Variants in GALNT13 observed in about 807,000 individuals in gnomAD.
GALNT13 encodes UDP-GalNAc:polypeptide N-acetylgalactosaminyltransferase 13.
In GALNT13, 28 loss-of-function variants were observed where a neutral mutation model predicts 64.2. That is an observed-to-expected ratio of 0.44 (90% CI 0.32 to 0.60). GALNT13 has a LOEUF of 0.60. Ranked by LOEUF, GALNT13 falls within the 20% of genes least tolerant of loss-of-function variation. GALNT13 has a pLI of 0.05. For missense variants in GALNT13, 577 were observed against 669.8 expected (o/e 0.86, Z 1.53); for synonymous variants, 214 against 224.6 (o/e 0.95, Z 0.42).
At chr2:153,649,135 T>A in the GALNT13 span, among the ~76,000 whole-genome samples, 4 of 152,320 alleles carry the variant, frequency 2.6e-5, no homozygotes, top group African/African-American at 9.6e-5. Flanking sequence ...ATTGCCTCAG[T>A]TTCAGAGCCT....
chr2:154,351,302 A>G (rs1311325316), intron 9 of GALNT13, among the ~76,000 whole-genome samples: 3 of 152,144 alleles, frequency 2.0e-5, no homozygotes, highest in East Asian at 3.9e-4. Context: ...ATTTGGAAAT[A>G]TGAATTAACT....
At chr2:153,634,902 T>G in the GALNT13 span, among the ~76,000 whole-genome samples, 1 of 152,138 alleles carries the variant, frequency 6.6e-6, no homozygotes. Context: ...AGATTTTTTT[T>G]TTTTAACTTG....
intron 10 of GALNT13, among the ~76,000 whole-genome samples, chr2:154,402,728 C>T (rs576077485): frequency 1.3e-5 from 2 of 152,320 alleles, no homozygotes; most frequent in Admixed American, 6.5e-5. Context: ...GGATTAATGA[C>T]ATGACCAAGC....
At chr2:153,978,857 G>A (rs954771901) in intron 3 of GALNT13, among the ~76,000 whole-genome samples, 2 of 151,986 alleles carry the variant, frequency 1.3e-5, no homozygotes, top group Non-Finnish European at 2.9e-5. Flanking sequence ...GATCCTTTGC[G>A]CCCAGGAGTT....
In GALNT13 at chr2:154,206,218, G is replaced by T. The variant is rs1687443118; in HGVS notation, c.312-35812G>T. Reference sequence around the variant, plus strand: ...GGGTTTCACCATATTAGCCAGGATGGTCTCGACCTCCTGACCTTGTGATCC... The same window carrying T: ...GGGTTTCACCATATTAGCCAGGATGTTCTCGACCTCCTGACCTTGTGATCC... On this transcript the variant is annotated intron_variant, in intron 4 of 12. Transcript: ENST00000392825. 2.0e-5 allele frequency among the ~76,000 whole-genome samples: 3 copies of T among 151,598 alleles called. No homozygotes were observed. The South Asian group carries it at 6.3e-4, about 32-fold the overall frequency.
the GALNT13 span, among the ~76,000 whole-genome samples, chr2:153,185,437 T>C: frequency 6.6e-6 from 1 of 152,084 alleles, no homozygotes; most frequent in Non-Finnish European, 1.5e-5. Context: ...TTTTTAAGGG[T>C]TTTCATGTCT....
chr2:154,012,935 A>G (rs1049750995), intron 3 of GALNT13, among the ~76,000 whole-genome samples: 2 of 151,644 alleles, frequency 1.3e-5, no homozygotes, highest in Non-Finnish European at 2.9e-5. Flanking sequence ...TAAAACGGCC[A>G]TTTCTTCATT....
the GALNT13 span, among the ~76,000 whole-genome samples, chr2:153,344,494 CTGT>C: frequency 1.3e-5 from 2 of 152,062 alleles, no homozygotes; most frequent in African/African-American, 2.4e-5. Context: ...GTTGTTGTTG[CTGT>C]TGTTGTTTTT....
the GALNT13 span, among the ~76,000 whole-genome samples, chr2:153,784,473 AG>A: frequency 4.9e-4 from 74 of 152,354 alleles, 1 homozygote; most frequent in Admixed American, 1.8e-3. Flanking sequence ...ATGATGCAAT[AG>A]AAAAGAAAAA....
intron 4 of GALNT13, among the ~76,000 whole-genome samples, chr2:154,192,996 AT>A (rs1686681513): frequency 6.6e-6 from 1 of 152,200 alleles, no homozygotes; most frequent in Non-Finnish European, 1.5e-5. Flanking sequence ...ATTGAAAAAA[AT>A]AATTAGAATA....
the GALNT13 span, among the ~76,000 whole-genome samples, chr2:153,634,610 G>A: frequency 6.8e-6 from 1 of 146,460 alleles, no homozygotes; most frequent in Admixed American, 7.0e-5. Flanking sequence ...GAGTGCAGTG[G>A]CCCGATCTCA....
At chr2:153,373,469 G>T in the GALNT13 span, among the ~76,000 whole-genome samples, 1 of 152,090 alleles carries the variant, frequency 6.6e-6, no homozygotes, top group Non-Finnish European at 1.5e-5. Context: ...GGCCTCAGTT[G>T]TTTGTGTTGC....
the GALNT13 span, among the ~76,000 whole-genome samples, chr2:153,500,817 T>C: frequency 0.44 from 67,101 of 152,022 alleles, 16,106 homozygotes; most frequent in African/African-American, 0.6. Flanking sequence ...AGAAATTTGG[T>C]TATTTCTGTG....
chr2:153,583,253 A>G, the GALNT13 span, among the ~76,000 whole-genome samples: 1 of 152,188 alleles, frequency 6.6e-6, no homozygotes, highest in Non-Finnish European at 1.5e-5. Context: ...GGCTGAGCAA[A>G]AATTGTTTCA....
the GALNT13 span, among the ~76,000 whole-genome samples, chr2:153,266,472 T>G: frequency 6.6e-6 from 1 of 152,206 alleles, no homozygotes; most frequent in East Asian, 1.9e-4. Flanking sequence ...GAAAAAAAGG[T>G]TTAATTGACT....
the GALNT13 span, among the ~76,000 whole-genome samples, chr2:153,743,836 C>T: frequency 2.0e-5 from 3 of 152,124 alleles, no homozygotes; most frequent in Non-Finnish European, 4.4e-5. Flanking sequence ...CTCCATGACT[C>T]TTTCCAGCCA....
the GALNT13 span, among the ~76,000 whole-genome samples, chr2:153,126,322 A>G: frequency 0.05 from 5,671 of 113,088 alleles, 406 homozygotes; most frequent in East Asian, 0.23. Flanking sequence ...ATATATATAT[A>G]TATATATATA....
chr2:153,949,500 A>G (rs1446702579), intron 3 of GALNT13, among the ~76,000 whole-genome samples: 1 of 147,442 alleles, frequency 6.8e-6, no homozygotes, highest in Non-Finnish European at 1.5e-5. Context: ...ATATAGTGAG[A>G]CTTCATCTCA....
chr2:153,408,964 T>A, the GALNT13 span, among the ~76,000 whole-genome samples: 1 of 151,870 alleles, frequency 6.6e-6, no homozygotes, highest in East Asian at 1.9e-4. Context: ...GAAGGTGGAG[T>A]GAGCAGACTT....
Sources: allele counts gnomAD v4.1 joint callset (sites outside exome capture counted in the v4.1 genomes callset), GRCh38; gene constraint gnomAD v4.1.1; transcripts MANE v1.5; gene names NCBI Gene and HGNC (gene_info 2026-07-23, HGNC 2026-07-21).